TENM2: variants seen among roughly 807,000 people sequenced by gnomAD.
TENM2 encodes the protein teneurin transmembrane protein 2.
In TENM2, 52 loss-of-function variants were observed where a neutral mutation model predicts 245.2. The observed-to-expected ratio is 0.21, with a 90% CI of 0.17 to 0.27. The LOEUF (loss-of-function observed/expected upper bound fraction) is 0.27. Ranked by LOEUF, TENM2 falls within the 10% of genes least tolerant of loss-of-function variation. The pLI is 1.00. For synonymous variants in TENM2, 1,363 were observed against 1,438.9 expected, an observed-to-expected ratio of 0.95 and a Z score of 1.19; for missense variants, 3,046 against 3,666.8, an observed-to-expected ratio of 0.83 and a Z score of 4.37.
chr5:167,639,917 C>T (rs191556400), intron 2 of TENM2, among the ~76,000 whole-genome samples: 66 of 152,280 alleles, frequency 4.3e-4, no homozygotes, highest in Non-Finnish European at 7.9e-4. Context: ...TGTCAGCTGT[C>T]TGATCTACCA....
the TENM2 span, among the ~76,000 whole-genome samples, chr5:167,157,402 A>G: frequency 4.6e-5 from 7 of 152,216 alleles, no homozygotes; most frequent in African/African-American, 1.4e-4. Flanking sequence ...AGTAGCTTAC[A>G]TAAATTTGAC....
rs72824969 is a variant in TENM2, at chr5:168,016,249, A to G, written c.1186+23067A>G. Among the ~76,000 whole-genome samples, 772 of 152,332 alleles carry G rather than the reference A, an allele frequency of 5.1e-3. 2 individuals carry two copies. The highest frequency in any genetic ancestry group is 8.6e-3 in the Non-Finnish European group (588 of 68,026). On this transcript the variant is annotated intron_variant, in intron 5 of 28. Coordinates refer to ENST00000518659, the Ensembl canonical transcript of TENM2. Reference sequence around the variant, plus strand: ...TTAAGTAGCTTGTCCAAGGTTGTACAGATAGGAACTGCCCTAATGAAACAC... The same window carrying G: ...TTAAGTAGCTTGTCCAAGGTTGTACGGATAGGAACTGCCCTAATGAAACAC...
At chr5:168,070,820 A>AG (rs375473762) in intron 7 of TENM2, among the ~76,000 whole-genome samples, 16,436 of 86,754 alleles carry the variant, frequency 0.19, 1,105 homozygotes, top group Non-Finnish European at 0.22. Flanking sequence ...AGAGAGAGAG[A>AG]AAAAAAGAAA....
chr5:168,037,317 C>A (rs1787793979), intron 5 of TENM2, among the ~76,000 whole-genome samples: 1 of 142,514 alleles, frequency 7.0e-6, no homozygotes, highest in Non-Finnish European at 1.5e-5. Flanking sequence ...ACAGGATTTG[C>A]TCAACATCCT....
chr5:167,127,888 C>T, the TENM2 span, among the ~76,000 whole-genome samples: 1 of 152,082 alleles, frequency 6.6e-6, no homozygotes, highest in Non-Finnish European at 1.5e-5. Context: ...TTCTAGCTAC[C>T]ACCTGGCAGA....
At chr5:167,536,146 C>T (rs1771825032) in intron 2 of TENM2, among the ~76,000 whole-genome samples, 1 of 152,120 alleles carries the variant, frequency 6.6e-6, no homozygotes, top group Non-Finnish European at 1.5e-5. Context: ...AGTCTCTTCA[C>T]CTGTAAATAG....
At chr5:167,689,205 C>A (rs957051870) in intron 2 of TENM2, among the ~76,000 whole-genome samples, 2 of 152,128 alleles carry the variant, frequency 1.3e-5, no homozygotes, top group Non-Finnish European at 2.9e-5. Context: ...AGTCTGGCAC[C>A]AGTGAAGGGA....
chr5:167,527,421 C>T (rs1771195996), intron 2 of TENM2, among the ~76,000 whole-genome samples: 1 of 152,036 alleles, frequency 6.6e-6, no homozygotes, highest in South Asian at 2.1e-4. Context: ...AATTGCTTGA[C>T]ATCCTTTCTA....
intron 12 of TENM2, chr5:168,128,738 G>A (rs1356416249): frequency 1.3e-5 from 2 of 152,232 alleles, no homozygotes; most frequent in African/African-American, 4.8e-5. Context: ...TGCCAGCTAA[G>A]AATAGTTTTT....
At chr5:167,438,427 G>A (rs1422208240) in intron 2 of TENM2, among the ~76,000 whole-genome samples, 2 of 152,160 alleles carry the variant, frequency 1.3e-5, no homozygotes, top group East Asian at 3.9e-4. Flanking sequence ...ACTAAATGGA[G>A]CTTGAACAGG....
In TENM2 at chr5:167,554,213, T is replaced by C. The variant is rs553393106; in HGVS notation, c.502+178740T>C. Among the ~76,000 whole-genome samples, 11 of 152,342 alleles carry C rather than the reference T, an allele frequency of 7.2e-5. No homozygotes were observed. In the South Asian group the frequency reaches 8.3e-4, roughly 11 times the overall value. ...GACTCTAAAATAGGAGTGACCTTGT[T>C]CTGGACCAGAGCAATGGTTAAATTG... On this transcript the variant is annotated intron_variant, in intron 2 of 28. Transcript: ENST00000518659.
At chr5:168,117,652 C>T (rs1272234999) in intron 9 of TENM2, among the ~76,000 whole-genome samples, 2 of 152,084 alleles carry the variant, frequency 1.3e-5, no homozygotes, top group Admixed American at 6.5e-5. Context: ...AAAGTGAAAC[C>T]GCGGATACAG....
intron 2 of TENM2, among the ~76,000 whole-genome samples, chr5:167,609,380 G>T (rs915986728): frequency 6.6e-6 from 1 of 151,206 alleles, no homozygotes; most frequent in Non-Finnish European, 1.5e-5. Context: ...TGTGGGCCAC[G>T]CATGGCTGCT....
At chr5:167,064,114 G>A in the TENM2 span, among the ~76,000 whole-genome samples, 1 of 152,234 alleles carries the variant, frequency 6.6e-6, no homozygotes, top group East Asian at 1.9e-4. Context: ...AATATATTGA[G>A]GGGAGAAGAA....
chr5:167,866,568 G>C (rs1037774971), intron 2 of TENM2, among the ~76,000 whole-genome samples: 1 of 151,900 alleles, frequency 6.6e-6, no homozygotes, highest in African/African-American at 2.4e-5. Flanking sequence ...GAGATATGAG[G>C]AGAGAATGAT....
intron 1 of TENM2, among the ~76,000 whole-genome samples, chr5:167,333,522 C>T (rs1257562759): frequency 1.3e-5 from 2 of 152,088 alleles, no homozygotes; most frequent in Non-Finnish European, 2.9e-5. Flanking sequence ...AGTCTTTCAA[C>T]TGAAAAGTCA....
At chr5:167,842,653 G>T (rs1467596365) in intron 2 of TENM2, among the ~76,000 whole-genome samples, 1 of 150,586 alleles carries the variant, frequency 6.6e-6, no homozygotes, top group Non-Finnish European at 1.5e-5. Context: ...TTTATATATG[G>T]CTCTTCTGCA....
chr5:168,070,428 T>C (rs1342894159), intron 7 of TENM2, among the ~76,000 whole-genome samples: 2 of 152,100 alleles, frequency 1.3e-5, no homozygotes, highest in African/African-American at 4.8e-5. Context: ...TCCTACCATA[T>C]AAATCAAGTC....
chr5:167,012,776 T>A, the TENM2 span, among the ~76,000 whole-genome samples: 1 of 152,178 alleles, frequency 6.6e-6, no homozygotes, highest in Admixed American at 6.5e-5. Context: ...GGACCTTTTT[T>A]TCCACAAAGG....
Sources: allele counts gnomAD v4.1 joint callset (sites outside exome capture counted in the v4.1 genomes callset), GRCh38; gene constraint gnomAD v4.1.1; transcripts MANE v1.5; gene names NCBI Gene and HGNC (gene_info 2026-07-23, HGNC 2026-07-21).